Variants in MCTP2 observed in about 807,000 individuals in gnomAD.
MCTP2 encodes the protein multiple C2 and transmembrane domain-containing protein 2.
In MCTP2, 132 loss-of-function variants were observed where a neutral mutation model predicts 111.6. That is an observed-to-expected ratio of 1.18 (90% CI 1.03 to 1.37). The LOEUF (loss-of-function observed/expected upper bound fraction) is 1.37. Ranked by LOEUF, MCTP2 falls within the 40% of genes most tolerant of loss-of-function variation. The pLI, the probability that MCTP2 is intolerant of heterozygous loss-of-function variation, is 0.00. For missense variants in MCTP2, 1,183 were observed against 1,067.9 expected (o/e 1.11, Z -1.50); for synonymous variants, 395 against 387.7 (o/e 1.02, Z -0.22).
chr15:94,324,364 GTT>G (rs1184521389), intron 4 of MCTP2, among the ~76,000 whole-genome samples: 1 of 152,220 alleles, frequency 6.6e-6, no homozygotes, highest in Non-Finnish European at 1.5e-5. Context: ...CGCTGTAGTA[GTT>G]TACCACTGTG....
intron 1 of MCTP2, among the ~76,000 whole-genome samples, chr15:94,243,774 T>C (rs1303920439): frequency 6.7e-6 from 1 of 148,226 alleles, no homozygotes; most frequent in Non-Finnish European, 1.5e-5. Context: ...TATATATTTA[T>C]GAACATATAT....
intron 4 of MCTP2, among the ~76,000 whole-genome samples, chr15:94,325,296 T>A (rs895473398): frequency 6.6e-6 from 1 of 152,144 alleles, no homozygotes; most frequent in Admixed American, 6.5e-5. Flanking sequence ...TGGGTGGAGC[T>A]GAAACAGTCA....
At chr15:94,288,186 C>T (rs1371912909) in intron 1 of MCTP2, among the ~76,000 whole-genome samples, 1 of 152,208 alleles carries the variant, frequency 6.6e-6, no homozygotes, top group Non-Finnish European at 1.5e-5. Context: ...GTCTTCCCCA[C>T]AACCCTGGTA....
Position 94,356,197 on chromosome 15 carries a change from G to T in MCTP2, c.1066G>T (p.Gly356Trp). ...ESLKKNQLWN[G>W]IISITLLEGK... is the part of the protein sequence containing the mutation. ...CTTGAAAAAGAACCAACTCTGGAAC[G>T]GGATTATAAGTATAACTTTGTTGGA... The change falls in exon 9 of 23, where the codon GGG (glycine) becomes TGG (tryptophan). Residue 356 changes from glycine to tryptophan, a missense_variant. Transcript: ENST00000357742. 1 of 1,613,210 alleles carries T rather than the reference G, an allele frequency of 6.2e-7. No homozygotes were observed. The highest frequency in any genetic ancestry group is 1.7e-5 in the Admixed American group (1 of 59,958).
intron 19 of MCTP2, among the ~76,000 whole-genome samples, chr15:94,446,021 T>G (rs1354164992): frequency 6.6e-6 from 1 of 152,190 alleles, no homozygotes; most frequent in Non-Finnish European, 1.5e-5. Context: ...ACCAGGACAC[T>G]GGGGTCTGTC....
At chr15:94,257,569 G>GTTGTTGTTTTT (rs2072878432) in intron 1 of MCTP2, among the ~76,000 whole-genome samples, 14 of 33,854 alleles carry the variant, frequency 4.1e-4, no homozygotes, top group African/African-American at 1.4e-3. Flanking sequence ...TTTCTTTGTT[G>GTTGTTGTTTTT]TTTTTTTTTT....
chr15:94,374,532 C>G (rs2079652832), intron 12 of MCTP2, among the ~76,000 whole-genome samples: 1 of 152,176 alleles, frequency 6.6e-6, no homozygotes, highest in South Asian at 2.1e-4. Flanking sequence ...CAAGATTCCA[C>G]ACCAAATCAG....
intron 1 of MCTP2, among the ~76,000 whole-genome samples, chr15:94,243,390 CGTATATGCGTAT>C (rs1399262619): frequency 2.1e-5 from 3 of 144,806 alleles, no homozygotes; most frequent in African/African-American, 7.8e-5. Context: ...CATACGTATG[CGTATATGCGTAT>C]GTACATACAT....
chr15:94,417,782 AT>A (rs2082442467), intron 17 of MCTP2, among the ~76,000 whole-genome samples: 1 of 152,158 alleles, frequency 6.6e-6, no homozygotes. Flanking sequence ...CATCCAAGAC[AT>A]TCTTGATATG....
intron 1 of MCTP2, among the ~76,000 whole-genome samples, chr15:94,281,145 T>C (rs2074462497): frequency 6.6e-6 from 1 of 152,158 alleles, no homozygotes; most frequent in African/African-American, 2.4e-5. Context: ...ACTAACAAAG[T>C]TTGACCTAAC....
intron 1 of MCTP2, among the ~76,000 whole-genome samples, chr15:94,245,878 C>G (rs2071958562): frequency 6.6e-6 from 1 of 151,814 alleles, no homozygotes; most frequent in African/African-American, 2.4e-5. Context: ...TTAAACAGGG[C>G]AATAGAGAAA....
chr15:94,337,717 G>T (rs1223020955), intron 4 of MCTP2, among the ~76,000 whole-genome samples: 1 of 146,272 alleles, frequency 6.8e-6, no homozygotes, highest in Non-Finnish European at 1.5e-5. Context: ...GCATGCCCAA[G>T]TTTAAAATAA....
intron 1 of MCTP2, among the ~76,000 whole-genome samples, chr15:94,248,816 C>T (rs1292382703): frequency 2.0e-5 from 3 of 152,146 alleles, no homozygotes; most frequent in East Asian, 3.8e-4. Context: ...CTGCTCAGTC[C>T]GTGGAAACTT....
chr15:94,298,269 G>A lies in MCTP2; in HGVS notation c.4G>A (p.Asp2Asn). Residue 2 changes from aspartate to asparagine, a missense_variant, in exon 2 of 23, where the codon GAT (aspartate) becomes AAT (asparagine). By Grantham distance (23) the Asp-to-Asn change is conservative (BLOSUM62 1). Transcript: ENST00000357742. M[D>N]LDKPSVWGSL... is the part of the protein sequence containing the mutation. Reference sequence around the variant, plus strand: ...CTTCTTGGGTCTTCATGCAGCCATGGATCTGGATAAACCATCTGTTTGGGG... The same window carrying A: ...CTTCTTGGGTCTTCATGCAGCCATGAATCTGGATAAACCATCTGTTTGGGG... 1 of 1,607,598 alleles carries A rather than the reference G, an allele frequency of 6.2e-7. No homozygotes were observed. The highest frequency in any genetic ancestry group is 8.5e-7 in the Non-Finnish European group (1 of 1,176,812).
chr15:94,383,406 T>G (rs1234288439), intron 12 of MCTP2, among the ~76,000 whole-genome samples: 1 of 152,232 alleles, frequency 6.6e-6, no homozygotes, highest in Non-Finnish European at 1.5e-5. Context: ...GTGAAATGTG[T>G]ATGTGTGGCC....
intron 15 of MCTP2, 163 bp from the exon 16 acceptor site, chr15:94,399,758 C>T: frequency 1.6e-6 from 1 of 616,982 alleles, no homozygotes; most frequent in South Asian, 2.0e-5. Flanking sequence ...ATGAGACCTC[C>T]AGAAACATGT....
chr15:94,241,060 T>A (rs762466066), intron 1 of MCTP2, among the ~76,000 whole-genome samples: 1 of 152,186 alleles, frequency 6.6e-6, no homozygotes, highest in African/African-American at 2.4e-5. Context: ...GTTATCGTGG[T>A]CTTCGAGAAG....
rs545405364 is a variant in MCTP2 at position 94,434,717 on chromosome 15, G to A, written c.2086-5459G>A. Among the ~76,000 whole-genome samples, 6 of 152,244 alleles carry A rather than the reference G, an allele frequency of 3.9e-5. No individual in the cohort carries two copies. The South Asian group carries it at 8.3e-4, about 21-fold the overall frequency. On this transcript the variant is annotated intron_variant, in intron 17 of 22. Transcript: ENST00000357742. ...GGACTCTATCTTCTACTCCACTGAT[G>A]TATAAGTCTGTCTTTTCACCAACAC...
rs752243331 is a variant in MCTP2, at chr15:94,356,257, A to T, written c.1126A>T (p.Met376Leu). 2 of 1,612,270 alleles carry T rather than the reference A, an allele frequency of 1.2e-6. No homozygotes were observed. ...KNVSGGSMTE[M>L]FVQLKLGDQR... is the part of the protein sequence containing the mutation. The stretch of plus-strand genomic sequence containing the variant: ...TGTCTCAGGAGGAAGCATGACAGAG[A>T]TGTTTGTCCAGTTAAAACTGGGAGA... Residue 376 changes from methionine (M) to leucine (L), a missense_variant, in exon 9 of 23, where the codon ATG becomes TTG. Physicochemically the swap from Met to Leu is conservative, Grantham distance 15 (BLOSUM62 2). Transcript: ENST00000357742.
Sources: gnomAD v4.1 joint callset for allele counts (sites outside exome capture counted in the v4.1 genomes callset) on GRCh38, gnomAD v4.1.1 for gene constraint, MANE v1.5 for transcripts, NCBI Gene and HGNC (gene_info 2026-07-23, HGNC 2026-07-21) for gene names.